The following KIF5C variants were observed in gnomAD, a reference collection of about 807,000 sequenced individuals.
KIF5C encodes kinesin family member 5C.
A neutral mutation model predicts 125.2 loss-of-function variants in KIF5C; 18 were observed. The ratio of observed to expected loss-of-function variants is 0.14; its 90% CI spans 0.10 to 0.21. The LOEUF is 0.21. Ranked by LOEUF, KIF5C falls within the 10% of genes least tolerant of loss-of-function variation. KIF5C has a pLI of 1.00. For synonymous variants in KIF5C, 405 were observed against 434.0 expected, an observed-to-expected ratio of 0.93 and a Z score of 0.83; for missense variants, 780 against 1,183.8, an observed-to-expected ratio of 0.66 and a Z score of 5.01.
chr2:148,918,580 A>G (rs1048726063), intron 1 of KIF5C, among the ~76,000 whole-genome samples: 1 of 152,184 alleles, frequency 6.6e-6, no homozygotes, highest in African/African-American at 2.4e-5. Flanking sequence ...AGACAGGTAA[A>G]TGAATATCTG....
chr2:149,008,147 C>T (rs990590093), intron 23 of KIF5C, 80 bp downstream of exon 23: 50 of 1,450,978 alleles, frequency 3.4e-5, no homozygotes, highest in Middle Eastern at 3.7e-4. Flanking sequence ...CCACAGTGTG[C>T]GGAGAAGGCA....
At position 148,941,936 on chromosome 2, in the gene KIF5C, A is replaced by G; in HGVS notation, c.447A>G (p.Val149=). ...YLDKIRDLLD[V]SKTNLAVHED... ...CTGCTGTCATTCTCATCTTTTTAGTATCCAAGACCAACTTGGCTGTTCATG... is the reference window on the plus strand; with the variant it reads ...CTGCTGTCATTCTCATCTTTTTAGTGTCCAAGACCAACTTGGCTGTTCATG... Residue 149 remains valine, a splice_region_variant and synonymous_variant, in exon 6 of 26, where the codon GTA becomes GTG. Coordinates refer to ENST00000435030, the MANE Select transcript of KIF5C (RefSeq NM_004522.3). 1 of 1,611,916 alleles carries G rather than the reference A, an allele frequency of 6.2e-7. No homozygotes were observed. The highest frequency in any genetic ancestry group is 1.3e-5 in the African/African-American group (1 of 74,978).
intron 4 of KIF5C, 36 bp from the exon 5 acceptor site, chr2:148,941,574 G>T (rs140217213): frequency 1.7e-4 from 271 of 1,551,622 alleles, no homozygotes; most frequent in Non-Finnish European, 2.3e-4. Context: ...ATACACTGCG[G>T]CATGTCTATT....
chr2:148,933,451 C>T (rs913774172), intron 3 of KIF5C, among the ~76,000 whole-genome samples: 3 of 151,696 alleles, frequency 2.0e-5, no homozygotes, highest in African/African-American at 7.3e-5. Context: ...ACATTCCACC[C>T]CCCCCACATA....
intron 2 of KIF5C, among the ~76,000 whole-genome samples, chr2:148,927,301 G>A (rs1682040642): frequency 6.6e-6 from 1 of 152,162 alleles, no homozygotes; most frequent in Non-Finnish European, 1.5e-5. Flanking sequence ...GGGTGTGGCC[G>A]GTTGCTCAGT....
intron 3 of KIF5C, among the ~76,000 whole-genome samples, chr2:148,930,211 G>C (rs1056350132): frequency 1.3e-5 from 2 of 152,154 alleles, no homozygotes; most frequent in African/African-American, 4.8e-5. Flanking sequence ...CTCCCTGAAG[G>C]CACTTCAGGG....
rs1462862219 is a variant in KIF5C, at chr2:148,882,453, G to A, written c.126+6710G>A. Among the ~76,000 whole-genome samples, 6 of 152,282 alleles carry A rather than the reference G, an allele frequency of 3.9e-5. No individual in the cohort carries two copies. The East Asian group carries it at 1.2e-3, about 29-fold the overall frequency. Reference sequence around the variant, plus strand: ...TTCAGAGGTTCCCCTGTGCCCTCAGGTTGGAAACCAGATGCTTCAGTAGGG... The same window carrying A: ...TTCAGAGGTTCCCCTGTGCCCTCAGATTGGAAACCAGATGCTTCAGTAGGG... On this transcript the variant is annotated intron_variant, in intron 1 of 25. Coordinates refer to ENST00000435030, the MANE Select transcript of KIF5C (RefSeq NM_004522.3).
At chr2:149,000,236 C>A in intron 19 of KIF5C, 187 bp from the exon 20 acceptor site, 1 of 589,594 alleles carries the variant, frequency 1.7e-6, no homozygotes, top group Non-Finnish European at 2.8e-6. Flanking sequence ...TAGATGCACC[C>A]CAGAAATTAG....
chr2:148,997,640 G>A, intron 18 of KIF5C: 1 of 372,936 alleles, frequency 2.7e-6, no homozygotes, highest in Non-Finnish European at 4.7e-6. Flanking sequence ...TCTTTTGTCG[G>A]AGTTAACTTC....
intron 23 of KIF5C, among the ~76,000 whole-genome samples, chr2:149,008,516 AC>A (rs1335473370): frequency 1.6e-4 from 24 of 152,024 alleles, no homozygotes; most frequent in Non-Finnish European, 4.4e-5. Flanking sequence ...CCGTGGGAGG[AC>A]CGGGACTGGA....
At chr2:148,987,505 A>G (rs1437937614) in intron 15 of KIF5C, among the ~76,000 whole-genome samples, 2 of 152,106 alleles carry the variant, frequency 1.3e-5, no homozygotes, top group Non-Finnish European at 2.9e-5. Flanking sequence ...AGTGGAGTGA[A>G]TATTTCAAAA....
intron 11 of KIF5C, among the ~76,000 whole-genome samples, chr2:148,968,440 C>T (rs1049134574): frequency 4.6e-5 from 7 of 152,156 alleles, no homozygotes; most frequent in South Asian, 4.1e-4. Context: ...ATTAAATCTT[C>T]GAAGATGCTG....
At chr2:149,001,040 A>C (rs1318032212) in intron 21 of KIF5C, among the ~76,000 whole-genome samples, 2 of 152,230 alleles carry the variant, frequency 1.3e-5, no homozygotes, top group East Asian at 3.8e-4. Context: ...GCAATTTTAC[A>C]GCCCTGCACT....
intron 1 of KIF5C, among the ~76,000 whole-genome samples, chr2:148,914,020 A>G (rs1558889060): frequency 6.6e-6 from 1 of 152,242 alleles, no homozygotes; most frequent in Non-Finnish European, 1.5e-5. Flanking sequence ...TCAAGGCAGA[A>G]GCCATTCTGA....
intron 1 of KIF5C, among the ~76,000 whole-genome samples, chr2:148,896,433 T>G (rs1406757352): frequency 2.0e-5 from 3 of 152,176 alleles, no homozygotes; most frequent in Non-Finnish European, 2.9e-5. Flanking sequence ...TCTTTCACAA[T>G]GGGGTGGATG....
intron 10 of KIF5C, among the ~76,000 whole-genome samples, chr2:148,959,401 T>A (rs983705681): frequency 2.0e-5 from 3 of 152,184 alleles, no homozygotes; most frequent in African/African-American, 7.2e-5. Flanking sequence ...GCTTGCCAAT[T>A]TCTATACACA....
At chr2:148,923,338 G>A (rs1260664298) in intron 2 of KIF5C, among the ~76,000 whole-genome samples, 6 of 152,174 alleles carry the variant, frequency 3.9e-5, no homozygotes, top group Non-Finnish European at 8.8e-5. Context: ...TGCTGAGGTG[G>A]ATGGTTATTC....
At chr2:148,915,710 C>A (rs1456162468) in intron 1 of KIF5C, among the ~76,000 whole-genome samples, 1 of 152,204 alleles carries the variant, frequency 6.6e-6, no homozygotes, top group African/African-American at 2.4e-5. Context: ...CAGAAGCAGA[C>A]CCTGAGGCAA....
In KIF5C at chr2:148,950,263, T is replaced by G; in HGVS notation, c.820-51T>G. Reference sequence around the variant, plus strand: ...CATCCCTGACTTGCTTGCCTCTGTGTTTTTCTCAGAATGGGCTGTCAAAAC... The same window carrying G: ...CATCCCTGACTTGCTTGCCTCTGTGGTTTTCTCAGAATGGGCTGTCAAAAC... On this transcript the variant is annotated intron_variant, in intron 9 of 25. Transcript: ENST00000435030. 5.0e-6 allele frequency: 8 copies of G among 1,588,304 alleles called. No homozygotes were observed. In the South Asian group the frequency reaches 9.2e-5, roughly 18 times the overall value.
Sources: allele counts gnomAD v4.1 joint callset (sites outside exome capture counted in the v4.1 genomes callset), GRCh38; gene constraint gnomAD v4.1.1; transcripts MANE v1.5; gene names NCBI Gene and HGNC (gene_info 2026-07-23, HGNC 2026-07-21).